Variants in KIF6 observed in about 807,000 individuals in gnomAD.
KIF6 encodes kinesin-like protein KIF6.
Under a neutral mutation model 112.7 loss-of-function variants are expected in KIF6, and 106 were observed. That is an observed-to-expected ratio of 0.94 (90% CI 0.80 to 1.11). The LOEUF (loss-of-function observed/expected upper bound fraction) is 1.11. Among genes scored for constraint, KIF6 ranks in the 50% least tolerant of loss-of-function variants. The pLI, the probability that KIF6 is intolerant of heterozygous loss-of-function variation, is 0.00. For missense variants in KIF6, 929 were observed against 964.0 expected (o/e 0.96, Z 0.48); for synonymous variants, 339 against 339.9 (o/e 1.00, Z 0.03).
intron 3 of KIF6, among the ~76,000 whole-genome samples, chr6:39,694,836 AC>A (rs1788429853): frequency 6.6e-6 from 1 of 152,192 alleles, no homozygotes; most frequent in Non-Finnish European, 1.5e-5. Context: ...TTCATATGGA[AC>A]CAAAAAAAAG....
intron 13 of KIF6, among the ~76,000 whole-genome samples, chr6:39,533,650 C>T (rs1778220306): frequency 6.6e-6 from 1 of 152,120 alleles, no homozygotes; most frequent in African/African-American, 2.4e-5. Flanking sequence ...AAAAACAAAC[C>T]ACTGCAGTAA....
At chr6:39,346,128 T>C (rs1389908407) in intron 20 of KIF6, among the ~76,000 whole-genome samples, 2 of 79,924 alleles carry the variant, frequency 2.5e-5, no homozygotes, top group African/African-American at 1.4e-4. Flanking sequence ...TCTCCCTCCC[T>C]CTCCCTCTCT....
At chr6:39,690,243 A>T (rs954096736) in intron 3 of KIF6, 1 of 152,172 alleles carries the variant, frequency 6.6e-6, no homozygotes, top group Non-Finnish European at 1.5e-5. Flanking sequence ...TTTCAATAAT[A>T]TATTATAGTG....
chr6:39,470,863 G>C (rs116713454), intron 13 of KIF6, among the ~76,000 whole-genome samples: 1 of 151,318 alleles, frequency 6.6e-6, no homozygotes, highest in African/African-American at 2.4e-5. Context: ...CCTTTATAAC[G>C]TGGGCTCCCT....
At chr6:39,511,106 T>C (rs1231356285) in intron 13 of KIF6, among the ~76,000 whole-genome samples, 1 of 152,006 alleles carries the variant, frequency 6.6e-6, no homozygotes, top group African/African-American at 2.4e-5. Context: ...TACCACACAA[T>C]AATAATGGGA....
At chr6:39,527,849 G>T (rs1212409892) in intron 13 of KIF6, among the ~76,000 whole-genome samples, 2 of 151,960 alleles carry the variant, frequency 1.3e-5, no homozygotes, top group Non-Finnish European at 2.9e-5. Flanking sequence ...GTTGTAAATG[G>T]ACAAATTATC....
chr6:39,674,379 A>T (rs1787014509), intron 3 of KIF6, among the ~76,000 whole-genome samples: 1 of 152,144 alleles, frequency 6.6e-6, no homozygotes, highest in South Asian at 2.1e-4. Context: ...GAAAGAGATG[A>T]TCATATGACT....
chr6:39,708,220 A>C (rs970897067), intron 3 of KIF6, among the ~76,000 whole-genome samples: 1 of 152,150 alleles, frequency 6.6e-6, no homozygotes, highest in African/African-American at 2.4e-5. Flanking sequence ...TGCCATGAGA[A>C]AATCCCCTGC....
intron 15 of KIF6, among the ~76,000 whole-genome samples, chr6:39,402,352 C>G (rs1458065333): frequency 1.3e-5 from 2 of 152,152 alleles, no homozygotes; most frequent in African/African-American, 4.8e-5. Flanking sequence ...GTCTATGGGC[C>G]TGTTTACTCA....
In KIF6 at chr6:39,398,395, G is replaced by T. The variant is rs1000470962; in HGVS notation, c.1811-12723C>A. 2.6e-5 allele frequency among the ~76,000 whole-genome samples: 4 copies of T among 152,324 alleles called. No individual in the cohort carries two copies. In the East Asian group the frequency reaches 7.7e-4, roughly 29 times the overall value. The stretch of plus-strand genomic sequence containing the variant: ...TAATGGAGCATATTGATCATCAGCT[G>T]CTCCAGGGTCTAACAGGTGCCAGGA... On this transcript the variant is annotated intron_variant, in intron 15 of 22. Transcript: ENST00000287152.
chr6:39,381,874 G>C (rs188582464), intron 16 of KIF6, among the ~76,000 whole-genome samples: 1 of 152,340 alleles, frequency 6.6e-6, no homozygotes, highest in Admixed American at 6.5e-5. Flanking sequence ...TTCAGGCAAA[G>C]CTAGGCGCTA....
intron 13 of KIF6, among the ~76,000 whole-genome samples, chr6:39,484,167 C>T (rs1774976472): frequency 6.6e-6 from 1 of 152,300 alleles, no homozygotes; most frequent in East Asian, 1.9e-4. Flanking sequence ...TCCATCTCAT[C>T]TCCCTATCAT....
intron 5 of KIF6, among the ~76,000 whole-genome samples, chr6:39,632,134 G>A (rs1211969566): frequency 1.3e-5 from 2 of 151,962 alleles, no homozygotes; most frequent in African/African-American, 4.8e-5. Flanking sequence ...AGTTTTATAG[G>A]CAAAAGTTCT....
Position 39,505,896 on chromosome 6 carries a change from C to T in KIF6, c.1645+34107G>A, listed in dbSNP as rs188340824. ...GTGGACAAAGAGGAATGCTTTTACA[C>T]GGTTGGTGGGAGTGTAAATTAGTTC... is the stretch of plus-strand genomic sequence containing the variant. On this transcript the variant is annotated intron_variant, in intron 13 of 22. Transcript: ENST00000287152. Among the ~76,000 whole-genome samples the T allele has an allele frequency of 1.8e-3, 275 of 152,276 alleles. 1 individual carries two copies. Among genetic ancestry groups the T allele is most frequent in the African/African-American group, 6.2e-3 (256 of 41,562 alleles).
At chr6:39,483,756 C>T (rs116806908) in intron 13 of KIF6, among the ~76,000 whole-genome samples, 4,280 of 152,116 alleles carry the variant, frequency 0.028, 206 homozygotes, top group African/African-American at 0.097. Context: ...GATATCAGCC[C>T]TAAGAGAAAA....
chr6:39,471,012 C>T (rs1581926873), intron 13 of KIF6, among the ~76,000 whole-genome samples: 1 of 152,258 alleles, frequency 6.6e-6, no homozygotes, highest in East Asian at 1.9e-4. Flanking sequence ...GCCTGGGATG[C>T]CAAAGTTAAG....
chr6:39,517,698 G>A (rs935545868), intron 13 of KIF6, among the ~76,000 whole-genome samples: 2 of 152,186 alleles, frequency 1.3e-5, no homozygotes, highest in Non-Finnish European at 2.9e-5. Context: ...GAGCAGTGAA[G>A]TTATAAAATG....
chr6:39,448,868 C>T (rs1458082504), intron 13 of KIF6, among the ~76,000 whole-genome samples: 1 of 152,182 alleles, frequency 6.6e-6, no homozygotes. Context: ...TTAACATACC[C>T]CAAACAGAAC....
chr6:39,395,056 G>A (rs889482822), intron 15 of KIF6, among the ~76,000 whole-genome samples: 4 of 152,020 alleles, frequency 2.6e-5, no homozygotes, highest in Non-Finnish European at 4.4e-5. Context: ...TCATTATGAC[G>A]GTACATGATA....
Sources: allele counts gnomAD v4.1 joint callset (sites outside exome capture counted in the v4.1 genomes callset), GRCh38; gene constraint gnomAD v4.1.1; transcripts MANE v1.5; gene names NCBI Gene and HGNC (gene_info 2026-07-23, HGNC 2026-07-21).